Variants in BNC2 observed in about 807,000 individuals in gnomAD.
The protein encoded by BNC2 is basonuclin zinc finger protein 2.
A neutral mutation model predicts 76.3 loss-of-function variants in BNC2; 20 were observed. The observed-to-expected ratio is 0.26, with a 90% confidence interval of 0.18 to 0.38. BNC2 has a LOEUF of 0.38. Ranked by LOEUF, BNC2 falls within the 10% of genes least tolerant of loss-of-function variation. The pLI is 1.00. For missense variants in BNC2, 1,382 were observed against 1,399.8 expected (o/e 0.99, Z 0.20); for synonymous variants, 582 against 514.8 (o/e 1.13, Z -1.77).
chr9:16,657,507 G>A (rs949983267), intron 3 of BNC2, among the ~76,000 whole-genome samples: 1 of 152,128 alleles, frequency 6.6e-6, no homozygotes, highest in Non-Finnish European at 1.5e-5. Flanking sequence ...AGGCAGAAGA[G>A]GAAACAAATT....
At chr9:16,807,268 TG>T (rs1817938036) in intron 1 of BNC2, among the ~76,000 whole-genome samples, 1 of 152,188 alleles carries the variant, frequency 6.6e-6, no homozygotes, top group Non-Finnish European at 1.5e-5. Flanking sequence ...ATGCATTAAA[TG>T]TTATCTACAG....
chr9:16,500,550 C>T (rs974630061), intron 5 of BNC2, among the ~76,000 whole-genome samples: 1 of 152,040 alleles, frequency 6.6e-6, no homozygotes, highest in Non-Finnish European at 1.5e-5. Flanking sequence ...TATGACTAAA[C>T]AATTACAGAG....
chr9:16,439,368 T>A (rs181505040), intron 5 of BNC2, among the ~76,000 whole-genome samples: 1 of 152,214 alleles, frequency 6.6e-6, no homozygotes, highest in African/African-American at 2.4e-5. Context: ...CAGGAAAGAT[T>A]TATAAAAAAT....
At chr9:16,485,011 G>A (rs778900407) in intron 5 of BNC2, among the ~76,000 whole-genome samples, 1 of 152,052 alleles carries the variant, frequency 6.6e-6, no homozygotes, top group African/African-American at 2.4e-5. Flanking sequence ...CACTGTACAA[G>A]AAGAGGACTG....
intron 3 of BNC2, among the ~76,000 whole-genome samples, chr9:16,720,401 A>G (rs1041553521): frequency 2.6e-5 from 4 of 152,218 alleles, no homozygotes; most frequent in African/African-American, 9.7e-5. Context: ...GAACAGAATA[A>G]CCTTGTATTT....
At chr9:16,617,550 AT>A (rs1160444103) in intron 3 of BNC2, among the ~76,000 whole-genome samples, 2 of 143,298 alleles carry the variant, frequency 1.4e-5, no homozygotes, top group Admixed American at 7.1e-5. Context: ...AAAAACCACG[AT>A]TATCTATAGG....
At chr9:16,840,628 G>A (rs1818802778) in intron 1 of BNC2, among the ~76,000 whole-genome samples, 2 of 152,138 alleles carry the variant, frequency 1.3e-5, no homozygotes, top group South Asian at 4.1e-4. Flanking sequence ...GAACTTAGAT[G>A]GTAAGATATA....
intron 5 of BNC2, among the ~76,000 whole-genome samples, chr9:16,489,620 G>A (rs1822232167): frequency 6.6e-6 from 1 of 152,110 alleles, no homozygotes; most frequent in Non-Finnish European, 1.5e-5. Context: ...ATCCTAAGGA[G>A]AAAAAACACA....
chr9:16,459,056 C>A (rs762485839), intron 5 of BNC2, among the ~76,000 whole-genome samples: 1 of 152,082 alleles, frequency 6.6e-6, no homozygotes, highest in Admixed American at 6.6e-5. Flanking sequence ...GTGAATAACA[C>A]CATTAATCAA....
At chr9:16,446,418 A>C (rs1295831684) in intron 5 of BNC2, among the ~76,000 whole-genome samples, 1 of 152,114 alleles carries the variant, frequency 6.6e-6, no homozygotes, top group African/African-American at 2.4e-5. Flanking sequence ...TGTGACTTTG[A>C]AGTAGTGGCT....
intron 1 of BNC2, among the ~76,000 whole-genome samples, chr9:16,842,148 G>A (rs905418707): frequency 1.3e-5 from 2 of 152,088 alleles, no homozygotes; most frequent in Non-Finnish European, 2.9e-5. Context: ...TTGGAGTTTT[G>A]AAGCTGCTTT....
At chr9:16,779,058 T>C in intron 1 of BNC2, among the ~76,000 whole-genome samples, 1 of 146,594 alleles carries the variant, frequency 6.8e-6, no homozygotes, top group Admixed American at 7.0e-5. Flanking sequence ...GATGGTTGAT[T>C]GCTTGCGGTC....
At chr9:16,446,127 T>G (rs578134616) in intron 5 of BNC2, among the ~76,000 whole-genome samples, 1 of 152,274 alleles carries the variant, frequency 6.6e-6, no homozygotes, top group South Asian at 2.1e-4. Context: ...AGTTACTCAT[T>G]ACACACATGT....
At position 16,668,034 on chromosome 9, in the gene BNC2, C is replaced by T. The variant is rs1199699412; in HGVS notation, c.330+59763G>A. On this transcript the variant is annotated intron_variant, in intron 3 of 6. Coordinates refer to ENST00000380672, the MANE Select transcript of BNC2 (RefSeq NM_017637.6). ...AGGTACGTTCCTACTAAGTGCCAGA[C>T]GCAATGGTAAGTGCTGAGACCTGAA... Among the ~76,000 whole-genome samples the T allele has an allele frequency of 4.6e-5, 7 of 152,344 alleles. No homozygotes were observed. In the South Asian group the frequency reaches 6.2e-4, roughly 14 times the overall value.
At chr9:16,524,902 T>C (rs977230696) in intron 5 of BNC2, among the ~76,000 whole-genome samples, 2 of 152,132 alleles carry the variant, frequency 1.3e-5, no homozygotes, top group Non-Finnish European at 2.9e-5. Context: ...AGTTTGACCC[T>C]GTCTCTACAA....
At chr9:16,812,176 G>T (rs894574872) in intron 1 of BNC2, among the ~76,000 whole-genome samples, 1 of 152,122 alleles carries the variant, frequency 6.6e-6, no homozygotes, top group Non-Finnish European at 1.5e-5. Context: ...TCAGTCTCTG[G>T]GTTTCTGAAG....
chr9:16,791,331 G>T (rs2135664301), intron 1 of BNC2, among the ~76,000 whole-genome samples: 1 of 152,220 alleles, frequency 6.6e-6, no homozygotes, highest in Admixed American at 6.5e-5. Flanking sequence ...AAAGTGCTAG[G>T]ATTACAGGCA....
chr9:16,560,577 C>A (rs982714301), intron 4 of BNC2, among the ~76,000 whole-genome samples: 20 of 151,896 alleles, frequency 1.3e-4, no homozygotes, highest in Admixed American at 5.9e-4. Flanking sequence ...ACGAGCCAGG[C>A]AAGGACAAGT....
chr9:16,830,260 G>A (rs948610827), intron 1 of BNC2, among the ~76,000 whole-genome samples: 4 of 152,200 alleles, frequency 2.6e-5, no homozygotes, highest in Admixed American at 6.5e-5. Flanking sequence ...CTTGGCTAAG[G>A]CAAGGCAGTA....
Sources: allele counts gnomAD v4.1 joint callset (sites outside exome capture counted in the v4.1 genomes callset), GRCh38; gene constraint gnomAD v4.1.1; transcripts MANE v1.5; gene names NCBI Gene and HGNC (gene_info 2026-07-23, HGNC 2026-07-21).